The following RIOX2 variants were observed in gnomAD, a reference collection of about 807,000 sequenced individuals.
The protein encoded by RIOX2 is 60S ribosomal protein L27a histidine hydroxylase.
RIOX2 carries 43 observed loss-of-function variants against 51.2 expected under a neutral mutation model. That is an observed-to-expected ratio of 0.84 (90% CI 0.66 to 1.08). The LOEUF is 1.08. RIOX2 is among the 50% of genes least tolerant of loss of function. The probability of loss-of-function intolerance (pLI) is 0.00; values close to 1 mark genes in which losing one functional copy is unlikely to be tolerated. For synonymous variants in RIOX2, 226 were observed against 218.5 expected (o/e 1.03, Z -0.30); for missense variants, 566 against 561.7 (o/e 1.01, Z -0.08).
In RIOX2 at chr3:97,945,313, A is replaced by G; in HGVS notation, c.1269T>C (p.His423=). The G allele has an allele frequency of 6.2e-7, 1 of 1,612,116 alleles. No individual in the cohort carries two copies. ...EFHGLRFPLS[H]LDALKQIWNS... is the part of the protein sequence containing the mutation. ...TCCAAATTTGCTTCAGTGCATCCAAATGTGACAAAGGGAAGCGAAGTCCAT... is the reference window on the plus strand; with the variant it reads ...TCCAAATTTGCTTCAGTGCATCCAAGTGTGACAAAGGGAAGCGAAGTCCAT... The change falls in exon 10 of 10, where the codon CAT becomes CAC. Residue 423 remains histidine (H), a synonymous_variant. Coordinates refer to ENST00000394198, the MANE Select transcript of RIOX2 (RefSeq NM_153182.4).
chr3:97,954,595 C>A (rs964070266), intron 4 of RIOX2, 100 bp from the exon 5 acceptor site: 2 of 990,194 alleles, frequency 2.0e-6, no homozygotes, highest in East Asian at 2.6e-5. Context: ...TCTCAGTTCT[C>A]CATTCTAGAA....
chr3:97,952,976 A>C (rs1705305226), intron 5 of RIOX2, among the ~76,000 whole-genome samples: 1 of 152,124 alleles, frequency 6.6e-6, no homozygotes, highest in Non-Finnish European at 1.5e-5. Flanking sequence ...GTAGAGGTGA[A>C]ATTCACACTG....
At chr3:97,956,153 A>G (rs1187818695) in intron 4 of RIOX2, among the ~76,000 whole-genome samples, 5 of 152,256 alleles carry the variant, frequency 3.3e-5, no homozygotes, top group Non-Finnish European at 7.3e-5. Context: ...AATGGCTACA[A>G]TAACACTAGG....
intron 1 of RIOX2, among the ~76,000 whole-genome samples, chr3:97,970,594 T>C (rs1172022824): frequency 1.3e-5 from 2 of 152,192 alleles, no homozygotes; most frequent in African/African-American, 4.8e-5. Context: ...AGACAATGCT[T>C]TGTCTAGAAT....
chr3:97,972,126 C>T (rs1012968737), intron 1 of RIOX2: 1 of 152,186 alleles, frequency 6.6e-6, no homozygotes, highest in Non-Finnish European at 1.5e-5. Context: ...CTCTCTGTAA[C>T]CAAGGCTTCC....
Position 97,947,892 on chromosome 3 carries a change from A to G in RIOX2, c.1061-443T>C, listed in dbSNP as rs140399976. Among the ~76,000 whole-genome samples, 315 of 152,298 alleles carry G rather than the reference A, an allele frequency of 2.1e-3. 1 individual carries two copies. Among genetic ancestry groups the G allele is most frequent in the African/African-American group, 7.0e-3 (293 of 41,570 alleles). On this transcript the variant is annotated intron_variant, in intron 7 of 9. Transcript: ENST00000394198. ...ATTATTAGGTGTGTGACCCTGGTCAATTATTCAGTCTATGTAAGTCAAGAA... is the reference window on the plus strand; with the variant it reads ...ATTATTAGGTGTGTGACCCTGGTCAGTTATTCAGTCTATGTAAGTCAAGAA...
rs1705684646 is a variant in RIOX2 at position 97,961,764 on chromosome 3, G to T, written c.433-56C>A. 2.6e-6 allele frequency: 4 copies of T among 1,525,722 alleles called. No homozygotes were observed. In the East Asian group the frequency reaches 9.1e-5, roughly 35 times the overall value. The allele number at this position is 1,525,722 out of a possible 1,614,324, so 94.5% of individuals were successfully genotyped here. Reference sequence around the variant, plus strand: ...GCGTGGGGGAGTGAAAAATGTATTAGAAATAAGAATAAGAGCATGTTCTTG... The same window carrying T: ...GCGTGGGGGAGTGAAAAATGTATTATAAATAAGAATAAGAGCATGTTCTTG... On this transcript the variant is annotated intron_variant, in intron 2 of 9. Coordinates refer to ENST00000394198, the MANE Select transcript of RIOX2 (RefSeq NM_153182.4).
chr3:97,947,588 G>A, intron 7 of RIOX2, 139 bp from the exon 8 acceptor site: 1 of 652,718 alleles, frequency 1.5e-6, no homozygotes, highest in Non-Finnish European at 2.7e-6. Context: ...TCCAACTGAA[G>A]AATTTGCTTA....
Position 97,944,358 on chromosome 3 carries a change from G to C in RIOX2, c.*826C>G, listed in dbSNP as rs1660429233. On this transcript the variant is annotated 3_prime_UTR_variant, in exon 10 of 10. Transcript: ENST00000394198. ...CTTTTACTGCACAATTCACAAGCAT[G>C]TTTTCCTGGTGAATTGGACTGAAAA... The C allele has an allele frequency of 6.6e-6, 1 of 152,224 alleles. No individual in the cohort carries two copies. The highest frequency in any genetic ancestry group is 2.1e-4 in the South Asian group (1 of 4,822). The allele number at this position is 152,224 out of a possible 1,614,324, so 9.4% of individuals were successfully genotyped here.
chr3:97,966,716 C>G (rs1219821844), intron 2 of RIOX2, among the ~76,000 whole-genome samples: 1 of 152,138 alleles, frequency 6.6e-6, no homozygotes, highest in Non-Finnish European at 1.5e-5. Flanking sequence ...GGCTCTGAAG[C>G]CTCCATTTAG....
At chr3:97,961,923 A>G (rs2107180303) in intron 2 of RIOX2, among the ~76,000 whole-genome samples, 1 of 152,366 alleles carries the variant, frequency 6.6e-6, no homozygotes. Flanking sequence ...ACGTGAACAG[A>G]TAAAGGGATG....
chr3:97,970,248 A>T (rs1706071301), intron 1 of RIOX2, among the ~76,000 whole-genome samples: 1 of 152,242 alleles, frequency 6.6e-6, no homozygotes, highest in African/African-American at 2.4e-5. Context: ...CCAATACTGT[A>T]TAACAAATGC....
intron 1 of RIOX2, 160 bp downstream of exon 1, chr3:97,972,221 C>T (rs558861101): frequency 6.6e-6 from 1 of 151,082 alleles, no homozygotes; most frequent in African/African-American, 2.4e-5. Flanking sequence ...TCCCAGGTCC[C>T]GCAACCACAG....
At position 97,950,031 on chromosome 3, in the gene RIOX2, T is replaced by C. The variant is rs1384338985; in HGVS notation, c.889-16A>G. The C allele has an allele frequency of 1.2e-6, 2 of 1,612,646 alleles. No homozygotes were observed. The highest frequency in any genetic ancestry group is 1.7e-6 in the Non-Finnish European group (2 of 1,179,712). ...ATTCCACCTGCTAGGAACACAGAAG[T>C]GAGTCCTGGCCCAGATGCCAGCAGA... On this transcript the variant is annotated splice_polypyrimidine_tract_variant and intron_variant, in intron 6 of 9. Coordinates refer to ENST00000394198, the MANE Select transcript of RIOX2 (RefSeq NM_153182.4).
chr3:97,952,290 T>A, intron 5 of RIOX2: 1 of 1,198,936 alleles, frequency 8.3e-7, no homozygotes, highest in African/African-American at 1.6e-5. Context: ...CCTGGACACA[T>A]TGATCATGGT....
rs141336570 is a variant in RIOX2, at chr3:97,953,814, C to G, written c.785+578G>C. Among the ~76,000 whole-genome samples, 44 of 152,314 alleles carry G rather than the reference C, an allele frequency of 2.9e-4. 1 individual carries two copies. In the East Asian group the frequency reaches 7.5e-3, roughly 26 times the overall value. On this transcript the variant is annotated intron_variant, in intron 5 of 9. Transcript: ENST00000394198. ...TGATTTTAATTGGAACTGCTGTCAG[C>G]ACATGCACTTTAGTTCCTGCTGTTC...
rs1575982519 is a variant in RIOX2, at chr3:97,942,015, C to A, written c.*3169G>T. 2.7e-5 allele frequency: 7 copies of A among 261,696 alleles called. No individual in the cohort carries two copies. The East Asian group carries it at 4.8e-4, about 18-fold the overall frequency. The allele number at this position is 261,696 out of a possible 1,614,324, so 16.2% of individuals were successfully genotyped here. ...AACATTTAATTCCAATTCACCAAAT[C>A]TTTATTGAACATCTGTTGTCAGATG... On this transcript the variant is annotated 3_prime_UTR_variant, in exon 10 of 10. Coordinates refer to ENST00000394198, the MANE Select transcript of RIOX2 (RefSeq NM_153182.4).
Position 97,954,792 on chromosome 3 carries a change from G to A in RIOX2, c.682-297C>T, listed in dbSNP as rs549167167. Among the ~76,000 whole-genome samples, 9 of 152,182 alleles carry A rather than the reference G, an allele frequency of 5.9e-5. No individual in the cohort carries two copies. In the South Asian group the frequency reaches 1.9e-3, roughly 32 times the overall value. ...CTGAGACTACCCTGCCCTGATGCAG[G>A]GATCAAGGAAGGTAACATCCTGTGC... On this transcript the variant is annotated intron_variant, in intron 4 of 9. Transcript: ENST00000394198.
chr3:97,967,507 C>T lies in RIOX2; in HGVS notation c.87G>A (p.Gly29=). 1.2e-6 allele frequency: 2 copies of T among 1,614,074 alleles called. No homozygotes were observed. The highest frequency in any genetic ancestry group is 1.7e-6 in the Non-Finnish European group (2 of 1,180,000). Residue 29 remains glycine, a synonymous_variant, in exon 2 of 10, where the codon GGG becomes GGA. Coordinates refer to ENST00000394198, the MANE Select transcript of RIOX2 (RefSeq NM_153182.4). ...GACTGTCAAAGTTTAAAGCTGAAGG[C>T]CCCCCAGCTGCTTCTAACTTCATCT... is the stretch of plus-strand genomic sequence containing the variant. ...CKQMKLEAAG[G]PSALNFDSPS... is the part of the protein sequence containing the mutation.
Sources: allele counts gnomAD v4.1 joint callset (sites outside exome capture counted in the v4.1 genomes callset), GRCh38; gene constraint gnomAD v4.1.1; transcripts MANE v1.5; gene names NCBI Gene and HGNC (gene_info 2026-07-23, HGNC 2026-07-21).